The following AADACL4 variants were observed in gnomAD, a reference collection of about 807,000 sequenced individuals.
AADACL4 encodes the protein arylacetamide deacetylase like 4, also known as arylacetamide deacetylase-like 4.
A neutral mutation model predicts 14.1 loss-of-function variants in AADACL4; 9 were observed. The observed-to-expected ratio is 0.64, with a 90% CI of 0.39 to 1.12. AADACL4 has a LOEUF of 1.12. Ranked by LOEUF, AADACL4 falls within the 50% of genes most tolerant of loss-of-function variation. The pLI, the probability that AADACL4 is intolerant of heterozygous loss-of-function variation, is 0.01. For synonymous variants in AADACL4, 188 were observed against 201.6 expected (o/e 0.93, Z 0.57); for missense variants, 531 against 516.1 (o/e 1.03, Z -0.28).
At position 12,661,793 on chromosome 1, in the gene AADACL4, T is replaced by A. The variant is rs780985429; in HGVS notation, c.388T>A (p.Cys130Ser). 1.9e-6 allele frequency: 3 copies of A among 1,614,118 alleles called. No individual in the cohort carries two copies. The highest frequency in any genetic ancestry group is 4.5e-5 in the East Asian group (2 of 44,884). ...GGATVFGSLD[C>S]YHGLCNYLAR... ...CTCTGAGTGTTTTTGTCTTGCAGAT[T>A]GTTACCATGGCCTGTGCAATTATCT... Residue 130 changes from cysteine to serine, a missense_variant and splice_region_variant, in exon 3 of 4, where the codon TGT (cysteine) becomes AGT (serine). Transcript: ENST00000376221.
intron 1 of AADACL4, among the ~76,000 whole-genome samples, chr1:12,648,560 GTT>G (rs113386512): frequency 1.4e-5 from 2 of 139,466 alleles, no homozygotes. Context: ...CTGTGCCTGG[GTT>G]TTTTTTTTTT....
At position 12,661,210 on chromosome 1, in the gene AADACL4, T is replaced by C. The variant is rs1456028066; in HGVS notation, c.386-581T>C. On this transcript the variant is annotated intron_variant, in intron 2 of 3. Transcript: ENST00000376221. ...ATGCTAGAGATTCTGATTTAATTGG[T>C]TTGAGGTTTAGCCTGGGCCTGAGGA... is the stretch of plus-strand genomic sequence containing the variant. 2.0e-5 allele frequency among the ~76,000 whole-genome samples: 3 copies of C among 152,278 alleles called. No homozygotes were observed. In the East Asian group the frequency reaches 5.8e-4, roughly 29 times the overall value.
chr1:12,651,468 A>G (rs1278217056), intron 2 of AADACL4, 129 bp downstream of exon 2: 4 of 965,200 alleles, frequency 4.1e-6, no homozygotes, highest in Non-Finnish European at 6.2e-6. Context: ...TTATAGCGTT[A>G]ATAGCCCAGA....
At position 12,655,894 on chromosome 1, in the gene AADACL4, A is replaced by G. The variant is rs1030560701; in HGVS notation, c.385+4555A>G. Among the ~76,000 whole-genome samples, 8 of 152,256 alleles carry G rather than the reference A, an allele frequency of 5.3e-5. No homozygotes were observed. The East Asian group carries it at 1.5e-3, about 29-fold the overall frequency. The stretch of plus-strand genomic sequence containing the variant: ...TTCTGATAAAGAGCCATGAAGGCCT[A>G]TATATATGGTATTTCAGTCCATTTC... On this transcript the variant is annotated intron_variant, in intron 2 of 3. Transcript: ENST00000376221.
At chr1:12,655,360 G>A (rs1020950965) in intron 2 of AADACL4, among the ~76,000 whole-genome samples, 1 of 152,062 alleles carries the variant, frequency 6.6e-6, no homozygotes, top group Admixed American at 6.5e-5. Context: ...CTCCTCAGTT[G>A]TGATGACCAT....
chr1:12,651,147 A>T lies in AADACL4; in HGVS notation c.193A>T (p.Ile65Phe), dbSNP rs775815654. ...GGGGAATATATTTGAGAAGCTGGGA[A>T]TTTGCTCCATGCCCAAATTTATTCG... ...TLGNIFEKLG[I>F]CSMPKFIRFL... is the part of the protein sequence containing the mutation. The change falls in exon 2 of 4, where the codon ATT becomes TTT. Residue 65 changes from isoleucine (I) to phenylalanine (F), a missense_variant. By Grantham distance (21) the Ile-to-Phe change is conservative (BLOSUM62 0). Transcript: ENST00000376221. The T allele has an allele frequency of 2.5e-6, 4 of 1,614,202 alleles. No individual in the cohort carries two copies. The East Asian group carries it at 6.7e-5, about 27-fold the overall frequency.
rs184040339 is a variant in AADACL4 at position 12,655,006 on chromosome 1, C to T, written c.385+3667C>T. Among the ~76,000 whole-genome samples, 792 of 152,220 alleles carry T rather than the reference C, an allele frequency of 5.2e-3. 6 individuals are homozygous for T. The highest frequency in any genetic ancestry group is 0.018 in the African/African-American group (761 of 41,522). On this transcript the variant is annotated intron_variant, in intron 2 of 3. Transcript: ENST00000376221. The stretch of plus-strand genomic sequence containing the variant: ...CCTTGCTTGGTGTCTGTAAACGGCT[C>T]GGACACTCAGCCGGACTGGCAAAGC...
At chr1:12,656,498 A>G (rs1647179738) in intron 2 of AADACL4, among the ~76,000 whole-genome samples, 2 of 152,154 alleles carry the variant, frequency 1.3e-5, no homozygotes, top group African/African-American at 4.8e-5. Context: ...ATGATTCAGT[A>G]TGGCCAAAAA....
chr1:12,658,763 C>T (rs116652206), intron 2 of AADACL4, among the ~76,000 whole-genome samples: 2 of 149,514 alleles, frequency 1.3e-5, no homozygotes, highest in Admixed American at 6.7e-5. Flanking sequence ...CCACCCCCAG[C>T]GCTGATGCTG....
chr1:12,656,573 C>T (rs1322977977), intron 2 of AADACL4, among the ~76,000 whole-genome samples: 1 of 152,152 alleles, frequency 6.6e-6, no homozygotes, highest in East Asian at 1.9e-4. Context: ...TACCCTGCTG[C>T]GTCTAAAGAG....
At position 12,644,222 on chromosome 1, in the gene AADACL4, C is replaced by T. The variant is rs1411732938; in HGVS notation, c.-325C>T. 6.6e-6 allele frequency among the ~76,000 whole-genome samples: 1 copy of T among 152,196 alleles called. No individual in the cohort carries two copies. On this transcript the variant is annotated 5_prime_UTR_variant, in exon 1 of 4. Coordinates refer to ENST00000376221, the MANE Select transcript of AADACL4 (RefSeq NM_001013630.2). ...GGCCTATATAACCCATATGAGATCT[C>T]TTTCTAGGGTTCCCAGGAGCCGAGG...
chr1:12,644,123 C>T lies in AADACL4; in HGVS notation c.-424C>T, dbSNP rs1356590454. On this transcript the variant is annotated 5_prime_UTR_variant, in exon 1 of 4. Coordinates refer to ENST00000376221, the MANE Select transcript of AADACL4 (RefSeq NM_001013630.2). Reference sequence around the variant, plus strand: ...GGGAGCTGGGGTGAGACGTGCTGTGCTCACCCTAACCACACTCTGACAAGG... The same window carrying T: ...GGGAGCTGGGGTGAGACGTGCTGTGTTCACCCTAACCACACTCTGACAAGG... Among the ~76,000 whole-genome samples the T allele has an allele frequency of 1.3e-5, 2 of 152,186 alleles. No homozygotes were observed. The highest frequency in any genetic ancestry group is 2.9e-5 in the Non-Finnish European group (2 of 68,032).
intron 3 of AADACL4, among the ~76,000 whole-genome samples, chr1:12,662,511 A>G (rs1647244976): frequency 6.6e-6 from 1 of 152,188 alleles, no homozygotes; most frequent in Non-Finnish European, 1.5e-5. Context: ...GTGTCTTAAG[A>G]TACAACCCTG....
At chr1:12,649,819 CA>C (rs1164831479) in intron 1 of AADACL4, among the ~76,000 whole-genome samples, 1 of 152,152 alleles carries the variant, frequency 6.6e-6, no homozygotes, top group Non-Finnish European at 1.5e-5. Context: ...CAGTGATGCC[CA>C]AGGCTTTTCA....
chr1:12,660,062 C>T, intron 2 of AADACL4, among the ~76,000 whole-genome samples: 1 of 152,230 alleles, frequency 6.6e-6, no homozygotes, highest in East Asian at 1.9e-4. Flanking sequence ...AAGTGATCCC[C>T]CCACCTTGGC....
rs189590544 is a variant in AADACL4 at position 12,666,405 on chromosome 1, C to T, written c.894C>T (p.Gly298=). 39 of 1,614,160 alleles carry T rather than the reference C, an allele frequency of 2.4e-5. No individual in the cohort carries two copies. In the Admixed American group the frequency reaches 5.3e-4, roughly 22 times the overall value. The change falls in exon 4 of 4, where the codon GGC becomes GGT. Residue 298 remains glycine (G), a synonymous_variant. Transcript: ENST00000376221. ...TCCCCAAGAAATTTAAGAACAGAGG[C>T]TACCAACCCTGGTCTCCCGGCCCTT... ...DNIPKKFKNR[G]YQPWSPGPFN...
intron 2 of AADACL4, among the ~76,000 whole-genome samples, chr1:12,658,182 T>C (rs1299785626): frequency 4.8e-5 from 7 of 146,304 alleles, no homozygotes; most frequent in African/African-American, 1.1e-4. Context: ...CTTTCTCTCT[T>C]TCTTTCTCTC....
At chr1:12,648,973 C>T (rs926839391) in intron 1 of AADACL4, among the ~76,000 whole-genome samples, 1 of 152,148 alleles carries the variant, frequency 6.6e-6, no homozygotes, top group Non-Finnish European at 1.5e-5. Flanking sequence ...CAAACGTTTC[C>T]TGTTCTAGAT....
At chr1:12,654,050 T>C in intron 2 of AADACL4, among the ~76,000 whole-genome samples, 1 of 152,180 alleles carries the variant, frequency 6.6e-6, no homozygotes, top group East Asian at 1.9e-4. Context: ...AGGGAAATAG[T>C]AGTTCCAGGA....
Sources: allele counts gnomAD v4.1 joint callset (sites outside exome capture counted in the v4.1 genomes callset), GRCh38; gene constraint gnomAD v4.1.1; transcripts MANE v1.5; gene names NCBI Gene and HGNC (gene_info 2026-07-23, HGNC 2026-07-21).